LRRK2: variants seen among roughly 807,000 people sequenced by gnomAD.
The protein encoded by LRRK2 is leucine rich repeat kinase 2.
A neutral mutation model predicts 302.6 loss-of-function variants in LRRK2; 203 were observed. That is an observed-to-expected ratio of 0.67 (90% CI 0.60 to 0.75). LRRK2 has a LOEUF of 0.75. Ranked by LOEUF, LRRK2 falls within the 30% of genes least tolerant of loss-of-function variation. The probability of loss-of-function intolerance (pLI) is 0.00; values close to 1 mark genes in which losing one functional copy is unlikely to be tolerated. For missense variants in LRRK2, 2,830 were observed against 2,951.0 expected, an observed-to-expected ratio of 0.96 and a Z score of 0.95; for synonymous variants, 1,066 against 1,031.9, an observed-to-expected ratio of 1.03 and a Z score of -0.63.
rs1945452513 is a variant in LRRK2 at position 40,323,243 on chromosome 12, C to T, written c.5593C>T (p.Pro1865Ser). 6.2e-7 allele frequency: 1 copy of T among 1,613,214 alleles called. No homozygotes were observed. The highest frequency in any genetic ancestry group is 8.5e-7 in the Non-Finnish European group (1 of 1,179,468). The part of the protein sequence containing the change: ...IAPDLILADL[P>S]RNIMLNNDEL... ...CCCTGACTTGATTTTGGCTGACCTGCCTAGAAATATTATGTTGAATAATGA... is the reference window on the plus strand; with the variant it reads ...CCCTGACTTGATTTTGGCTGACCTGTCTAGAAATATTATGTTGAATAATGA... Residue 1865 changes from proline to serine, a missense_variant, in exon 38 of 51, where the codon CCT (proline) becomes TCT (serine). By Grantham distance (74) the Pro-to-Ser change is moderately conservative. Transcript: ENST00000298910.
At chr12:40,363,272 G>A in intron 47 of LRRK2, 130 bp from the exon 48 acceptor site, 1 of 742,048 alleles carries the variant, frequency 1.3e-6, no homozygotes, top group Non-Finnish European at 2.2e-6. Flanking sequence ...TGAAATAATT[G>A]CAATAGTCTA....
chr12:40,275,131 A>G (rs1455382356), intron 16 of LRRK2, 138 bp downstream of exon 16: 5 of 955,484 alleles, frequency 5.2e-6, no homozygotes, highest in East Asian at 2.6e-5. Flanking sequence ...TATTTTAATT[A>G]TACAAGCAAA....
intron 44 of LRRK2, among the ~76,000 whole-genome samples, chr12:40,354,052 G>A (rs1051829101): frequency 7.2e-5 from 11 of 152,316 alleles, no homozygotes; most frequent in South Asian, 2.1e-4. Context: ...TATATGGTTT[G>A]AAGGAATGAG....
intron 48 of LRRK2, 145 bp downstream of exon 48, chr12:40,363,699 C>T: frequency 1.2e-6 from 1 of 829,262 alleles, no homozygotes; most frequent in Non-Finnish European, 1.9e-6. Flanking sequence ...CTTCTCAGCA[C>T]CATCTTTTCA....
chr12:40,346,769 A>G lies in LRRK2; in HGVS notation c.6126A>G (p.Glu2042=). The change falls in exon 42 of 51, where the codon GAA becomes GAG. Residue 2042 remains glutamate (E), a synonymous_variant. Transcript: ENST00000298910. ...TACTTTCAGGGTTTCGTGCACCTGA[A>G]GTTGCCAGAGGAAATGTCATTTATA... ...SEGTPGFRAP[E]VARGNVIYNQ... 2 of 1,613,898 alleles carry G rather than the reference A, an allele frequency of 1.2e-6. No individual in the cohort carries two copies. The highest frequency in any genetic ancestry group is 1.7e-6 in the Non-Finnish European group (2 of 1,179,902).
chr12:40,307,781 CTTT>C lies in LRRK2; in HGVS notation c.3960-671_3960-669del, dbSNP rs201473630. On this transcript the variant is annotated intron_variant, in intron 28 of 50. Transcript: ENST00000298910. ...TAGGGTTTTTCTTTTCTTTTCTTTT[CTTT>C]TTTTTTTTTTTTTTGAGACTGAGTT... is the stretch of plus-strand genomic sequence containing the variant. Among the ~76,000 whole-genome samples, 5 of 119,408 alleles carry C rather than the reference CTTT, an allele frequency of 4.2e-5. 1 individual carries two copies. Among genetic ancestry groups the C allele is most frequent in the Admixed American group, 3.8e-4 (4 of 10,400 alleles). The allele number at this position is 119,408 out of a possible 152,430, so 78.3% of individuals were successfully genotyped here. A position where few individuals can be genotyped will look rare whatever the true frequency, so the allele number is the denominator to read the frequency against.
intron 25 of LRRK2, among the ~76,000 whole-genome samples, chr12:40,302,037 A>G (rs993520760): frequency 6.6e-6 from 1 of 151,876 alleles, no homozygotes; most frequent in African/African-American, 2.4e-5. Flanking sequence ...AATTAGCTGG[A>G]CATGATGGCA....
At chr12:40,282,718 C>T (rs1038435321) in intron 18 of LRRK2, among the ~76,000 whole-genome samples, 25 of 152,154 alleles carry the variant, frequency 1.6e-4, no homozygotes, top group African/African-American at 5.8e-4. Flanking sequence ...TACTTGGAGA[C>T]TGGTGGGCAT....
At chr12:40,270,312 C>T (rs1304466165) in intron 14 of LRRK2, among the ~76,000 whole-genome samples, 1 of 152,078 alleles carries the variant, frequency 6.6e-6, no homozygotes, top group African/African-American at 2.4e-5. Flanking sequence ...TATTTATATT[C>T]AGCTTTCTAA....
chr12:40,353,826 A>G (rs1565775416), intron 44 of LRRK2, among the ~76,000 whole-genome samples: 1 of 152,264 alleles, frequency 6.6e-6, no homozygotes, highest in Non-Finnish European at 1.5e-5. Context: ...CACCAAAAAA[A>G]TATGAAAACC....
chr12:40,323,352 T>C (rs1248044049), intron 38 of LRRK2, 46 bp downstream of exon 38: 17 of 1,502,150 alleles, frequency 1.1e-5, no homozygotes, highest in Non-Finnish European at 1.5e-5. Context: ...GATGTAATTT[T>C]CTCCTTATAA....
At chr12:40,314,618 G>C (rs1041905053) in intron 32 of LRRK2, among the ~76,000 whole-genome samples, 2 of 152,040 alleles carry the variant, frequency 1.3e-5, no homozygotes, top group Admixed American at 6.6e-5. Context: ...TGCAGCTTCT[G>C]AGTGGAAGAT....
In LRRK2 at chr12:40,251,287, T is replaced by A. The variant is rs1392979378; in HGVS notation, c.1014T>A (p.Asn338Lys). Reference sequence around the variant, plus strand: ...AGGAAAAGAATGAGAATCAAGAGAATGATGATGAGGGGGAAGAAGATAAAT... The same window carrying A: ...AGGAAAAGAATGAGAATCAAGAGAAAGATGATGAGGGGGAAGAAGATAAAT... ...DLEEKNENQE[N>K]DDEGEEDKLF... The change falls in exon 9 of 51, where the codon AAT (asparagine) becomes AAA (lysine). Residue 338 changes from asparagine (N) to lysine (K), a missense_variant. Asn to Lys is a moderately conservative substitution (Grantham distance 94). Coordinates refer to ENST00000298910, the MANE Select transcript of LRRK2 (RefSeq NM_198578.4). 2 of 1,612,042 alleles carry A rather than the reference T, an allele frequency of 1.2e-6. No individual in the cohort carries two copies. Among genetic ancestry groups the A allele is most frequent in the Non-Finnish European group, 1.7e-6 (2 of 1,178,646 alleles).
chr12:40,299,318 T>C, intron 25 of LRRK2, 61 bp downstream of exon 25: 1 of 1,545,912 alleles, frequency 6.5e-7, no homozygotes, highest in Non-Finnish European at 8.9e-7. Flanking sequence ...AGATGAGTCA[T>C]ATATGGACCC....
At chr12:40,327,802 TAC>T (rs1592294097) in intron 38 of LRRK2, among the ~76,000 whole-genome samples, 2 of 152,188 alleles carry the variant, frequency 1.3e-5, no homozygotes, top group Non-Finnish European at 2.9e-5. Flanking sequence ...TAAATGAGGC[TAC>T]ACAGTGGACT....
intron 40 of LRRK2, among the ~76,000 whole-genome samples, chr12:40,337,621 A>G (rs1033445438): frequency 2.0e-4 from 31 of 152,132 alleles, no homozygotes; most frequent in Non-Finnish European, 2.5e-4. Flanking sequence ...CAATTCATTT[A>G]TTTTTATGCC....
chr12:40,226,303 T>G (rs1253104380), intron 2 of LRRK2, among the ~76,000 whole-genome samples: 1 of 152,178 alleles, frequency 6.6e-6, no homozygotes, highest in Admixed American at 6.5e-5. Flanking sequence ...AAAATGGTAA[T>G]TAAGAATGAT....
In LRRK2 at chr12:40,341,915, T is replaced by C. The variant is rs192987743; in HGVS notation, c.6109+1461T>C. ...ATAGCAAATATTGTCAATGAGAGGT[T>C]TGGAAAAACAGTCTTAAAGGATGAA... On this transcript the variant is annotated intron_variant, in intron 41 of 50. Transcript: ENST00000298910. Among the ~76,000 whole-genome samples the C allele has an allele frequency of 2.0e-3, 303 of 152,322 alleles. 1 individual carries two copies. Among genetic ancestry groups the C allele is most frequent in the Middle Eastern group, 6.8e-3 (2 of 294 alleles).
chr12:40,353,384 G>A (rs1032514476), intron 44 of LRRK2, among the ~76,000 whole-genome samples: 49 of 151,910 alleles, frequency 3.2e-4, no homozygotes, highest in South Asian at 8.4e-4. Flanking sequence ...CATCCCAGAC[G>A]GGGCGGCAGG....
Sources: gnomAD v4.1 joint callset for allele counts (sites outside exome capture counted in the v4.1 genomes callset) on GRCh38, gnomAD v4.1.1 for gene constraint, MANE v1.5 for transcripts, NCBI Gene and HGNC (gene_info 2026-07-23, HGNC 2026-07-21) for gene names.